The following SLC24A3 variants were observed in gnomAD, a reference collection of about 807,000 sequenced individuals.
The protein encoded by SLC24A3 is sodium/potassium/calcium exchanger 3.
Under a neutral mutation model 75.8 loss-of-function variants are expected in SLC24A3, and 28 were observed. The ratio of observed to expected loss-of-function variants is 0.37; its 90% CI spans 0.27 to 0.51. SLC24A3 has a LOEUF of 0.51. SLC24A3 is among the 20% of genes least tolerant of loss of function. The probability of loss-of-function intolerance (pLI) is 0.94; values close to 1 mark genes in which losing one functional copy is unlikely to be tolerated. For missense variants in SLC24A3, 663 were observed against 847.8 expected (o/e 0.78, Z 2.71); for synonymous variants, 372 against 334.1 (o/e 1.11, Z -1.24).
rs116756811 is a variant in SLC24A3 at position 19,409,290 on chromosome 20, C to T, written c.272-106198C>T. On this transcript the variant is annotated intron_variant, in intron 2 of 16. Transcript: ENST00000328041. ...CCTGCAGGGGACCTCTGTGCATGGGCGAGGGGAGGTGGAAACAGCTGCAGG... is the reference window on the plus strand; with the variant it reads ...CCTGCAGGGGACCTCTGTGCATGGGTGAGGGGAGGTGGAAACAGCTGCAGG... Among the ~76,000 whole-genome samples the T allele has an allele frequency of 3.1e-3, 478 of 151,944 alleles. 4 individuals carry two copies. Among genetic ancestry groups the T allele is most frequent in the African/African-American group, 0.011 (437 of 41,438 alleles).
intron 2 of SLC24A3, among the ~76,000 whole-genome samples, chr20:19,408,390 C>CT (rs1219522685): frequency 0.028 from 3,860 of 137,032 alleles, 142 homozygotes; most frequent in African/African-American, 0.073. Flanking sequence ...ATTAAAAATA[C>CT]TTTTTTTTTT....
chr20:19,316,654 G>A (rs550364351), intron 2 of SLC24A3, among the ~76,000 whole-genome samples: 1 of 152,200 alleles, frequency 6.6e-6, no homozygotes, highest in Non-Finnish European at 1.5e-5. Context: ...ACAGAGTCCA[G>A]GCCAGGTTGG....
intron 1 of SLC24A3, among the ~76,000 whole-genome samples, chr20:19,233,740 G>C (rs972633508): frequency 3.3e-5 from 5 of 152,222 alleles, no homozygotes; most frequent in Non-Finnish European, 7.3e-5. Context: ...TCATTCAGGG[G>C]TAGGAGACAT....
At chr20:19,300,953 C>T (rs1984181197) in intron 2 of SLC24A3, among the ~76,000 whole-genome samples, 1 of 152,146 alleles carries the variant, frequency 6.6e-6, no homozygotes, top group African/African-American at 2.4e-5. Context: ...AACAGTTCTC[C>T]ATGTTGTCCC....
chr20:19,709,422 A>G (rs2032966712), intron 15 of SLC24A3, among the ~76,000 whole-genome samples: 1 of 151,992 alleles, frequency 6.6e-6, no homozygotes, highest in Non-Finnish European at 1.5e-5. Context: ...GACTCTTACA[A>G]ACATGGTAGG....
At chr20:19,225,632 T>C (rs941870456) in intron 1 of SLC24A3, among the ~76,000 whole-genome samples, 4 of 152,158 alleles carry the variant, frequency 2.6e-5, no homozygotes, top group Non-Finnish European at 4.4e-5. Flanking sequence ...CCCTGATGTG[T>C]TTTCTGTTAC....
chr20:19,492,671 T>G (rs16980676), intron 2 of SLC24A3, among the ~76,000 whole-genome samples: 2,250 of 152,348 alleles, frequency 0.015, 64 homozygotes, highest in African/African-American at 0.052. Flanking sequence ...GGAGAATTAT[T>G]ATTTCCTGTA....
rs557270506 is a variant in SLC24A3, at chr20:19,427,147, G to A, written c.272-88341G>A. Among the ~76,000 whole-genome samples, 19 of 152,232 alleles carry A rather than the reference G, an allele frequency of 1.2e-4. No individual in the cohort carries two copies. In the South Asian group the frequency reaches 1.5e-3, roughly 12 times the overall value. ...CGTGTAGGTGTGTGTGCATGCACGCGCAGGAATGAATGCCATCTGAACACG... is the reference window on the plus strand; with the variant it reads ...CGTGTAGGTGTGTGTGCATGCACGCACAGGAATGAATGCCATCTGAACACG... On this transcript the variant is annotated intron_variant, in intron 2 of 16. Transcript: ENST00000328041.
chr20:19,330,364 G>A (rs1984971598), intron 2 of SLC24A3, among the ~76,000 whole-genome samples: 1 of 152,214 alleles, frequency 6.6e-6, no homozygotes, highest in South Asian at 2.1e-4. Flanking sequence ...TGATGTGGGA[G>A]AAACGCTTAT....
intron 3 of SLC24A3, among the ~76,000 whole-genome samples, chr20:19,539,373 G>A (rs1427261454): frequency 6.6e-6 from 1 of 152,096 alleles, no homozygotes; most frequent in Non-Finnish European, 1.5e-5. Context: ...CTGGGGGCAG[G>A]GTTCCTTCAC....
chr20:19,343,878 A>G (rs1192057757), intron 2 of SLC24A3, among the ~76,000 whole-genome samples: 1 of 152,218 alleles, frequency 6.6e-6, no homozygotes, highest in Non-Finnish European at 1.5e-5. Flanking sequence ...TACAGGTGAT[A>G]TACGCCTGGT....
chr20:19,494,273 G>A (rs929494653), intron 2 of SLC24A3, among the ~76,000 whole-genome samples: 7 of 152,242 alleles, frequency 4.6e-5, no homozygotes, highest in Admixed American at 6.5e-5. Context: ...TGTGATGAAG[G>A]AGAGCAAAAT....
chr20:19,502,388 G>A (rs924157912), intron 2 of SLC24A3, among the ~76,000 whole-genome samples: 12 of 152,252 alleles, frequency 7.9e-5, no homozygotes, highest in Non-Finnish European at 1.6e-4. Flanking sequence ...GGCTGAAAGC[G>A]GATATGTCAG....
At chr20:19,545,300 G>A (rs937171602) in intron 3 of SLC24A3, among the ~76,000 whole-genome samples, 1 of 152,206 alleles carries the variant, frequency 6.6e-6, no homozygotes, top group African/African-American at 2.4e-5. Context: ...CGCAGGTCGG[G>A]AGGAGAGGAA....
chr20:19,558,329 T>C (rs575252241), intron 3 of SLC24A3, among the ~76,000 whole-genome samples: 5 of 152,210 alleles, frequency 3.3e-5, no homozygotes, highest in African/African-American at 1.2e-4. Flanking sequence ...TTTGAAATAA[T>C]TTTAGATATA....
intron 6 of SLC24A3, among the ~76,000 whole-genome samples, chr20:19,594,924 G>C (rs994559366): frequency 6.6e-6 from 1 of 152,152 alleles, no homozygotes; most frequent in African/African-American, 2.4e-5. Flanking sequence ...ATAGTGCCGT[G>C]AAAAAATATT....
intron 3 of SLC24A3, among the ~76,000 whole-genome samples, chr20:19,537,787 C>T (rs1183402280): frequency 1.3e-5 from 2 of 150,158 alleles, no homozygotes; most frequent in African/African-American, 4.9e-5. Flanking sequence ...GACAAAAAAC[C>T]AAACACTGCA....
rs139146629 is a variant in SLC24A3 at position 19,631,982 on chromosome 20, C to CCA, written c.613-22072_613-22071dup. Among the ~76,000 whole-genome samples, 1,442 of 152,172 alleles carry CCA rather than the reference C, an allele frequency of 9.5e-3. 30 individuals are homozygous for CCA. The highest frequency in any genetic ancestry group is 0.033 in the African/African-American group (1,370 of 41,502). ...TTCCTTCTCTAGAGAATGGCAGTAA[C>CCA]CACACACACCTACACAGGATTGTTG... is the stretch of plus-strand genomic sequence containing the variant. On this transcript the variant is annotated intron_variant, in intron 6 of 16. Transcript: ENST00000328041.
At chr20:19,460,185 G>A (rs756131565) in intron 2 of SLC24A3, among the ~76,000 whole-genome samples, 13 of 152,134 alleles carry the variant, frequency 8.5e-5, no homozygotes, top group Admixed American at 1.3e-4. Flanking sequence ...GCACCTAAGC[G>A]TGGGCGACTT....
Sources: gnomAD v4.1 joint callset for allele counts (sites outside exome capture counted in the v4.1 genomes callset) on GRCh38, gnomAD v4.1.1 for gene constraint, MANE v1.5 for transcripts, NCBI Gene and HGNC (gene_info 2026-07-23, HGNC 2026-07-21) for gene names.